Variants in STARD9 observed in about 807,000 individuals in gnomAD.
STARD9 encodes StAR related lipid transfer domain containing 9.
Under a neutral mutation model 399.8 loss-of-function variants are expected in STARD9, and 346 were observed. The ratio of observed to expected loss-of-function variants is 0.87; its 90% CI spans 0.79 to 0.95. STARD9 has a LOEUF of 0.95. Ranked by LOEUF, STARD9 falls within the 40% of genes least tolerant of loss-of-function variation. The pLI is 0.00. For missense variants in STARD9, 5,832 were observed against 5,667.5 expected, an observed-to-expected ratio of 1.03 and a Z score of -0.93; for synonymous variants, 2,203 against 2,143.5, an observed-to-expected ratio of 1.03 and a Z score of -0.77.
rs1182906799 is a variant in STARD9, at chr15:42,693,917, G to T, written c.12339G>T (p.Glu4113Asp). 4.0e-5 allele frequency: 60 copies of T among 1,514,870 alleles called. No homozygotes were observed. The highest frequency in any genetic ancestry group is 3.9e-5 in the Non-Finnish European group (44 of 1,134,896). The allele number at this position is 1,514,870 out of a possible 1,614,324, so 93.8% of individuals were successfully genotyped here. A position where few individuals can be genotyped will look rare whatever the true frequency, so the allele number is the denominator to read the frequency against. ...GCCTCCCTCAGGCCTGCCAACCTGA[G>T]GAGTTACTGTGCTTCAGTTGCCAGA... ...ALGLPQACQP[E>D]ELLCFSCQMC... The change falls in exon 23 of 33, where the codon GAG becomes GAT. Residue 4113 changes from glutamate to aspartate, a missense_variant. This residue lies in a region of STARD9 where 5,828 missense variants were observed against 5,651.1 expected (regional missense o/e 1.03). Transcript: ENST00000290607.
Position 42,687,533 on chromosome 15 carries a change from T to TC in STARD9, c.5956dup (p.Arg1986ProfsTer5). On this transcript the variant is annotated frameshift_variant, in exon 23 of 33. Coordinates refer to ENST00000290607, the MANE Select transcript of STARD9 (RefSeq NM_020759.3). LOFTEE classifies it high-confidence loss of function. The stretch of plus-strand genomic sequence containing the variant: ...AAACTGGGCTTCTTGAAAAAGGTCT[T>TC]CGTCCCAAAGATAGCTCAGAAGAGT... 1 of 1,537,058 alleles carries TC rather than the reference T, an allele frequency of 6.5e-7. No homozygotes were observed. The highest frequency in any genetic ancestry group is 8.7e-7 in the Non-Finnish European group (1 of 1,146,876).
chr15:42,577,100 C>G (rs1178902597), intron 1 of STARD9, among the ~76,000 whole-genome samples: 1 of 152,086 alleles, frequency 6.6e-6, no homozygotes, highest in Non-Finnish European at 1.5e-5. Flanking sequence ...ACAGTATTGA[C>G]CACTCCTAAC....
intron 7 of STARD9, among the ~76,000 whole-genome samples, chr15:42,640,780 AC>A (rs2059519014): frequency 7.6e-6 from 1 of 132,228 alleles, no homozygotes; most frequent in South Asian, 2.4e-4. Flanking sequence ...AGATCGCGCC[AC>A]TGCACTCCAG....
rs962082438 is a variant in STARD9 at position 42,581,593 on chromosome 15, C to G, written c.48-1753C>G. On this transcript the variant is annotated intron_variant, in intron 1 of 32. Coordinates refer to ENST00000290607, the MANE Select transcript of STARD9 (RefSeq NM_020759.3). ...GTGGAAAAGCGAGCTCTGCGCACTCCTCGCTCGCTTCCTCTAGTTCCCTCG... is the reference window on the plus strand; with the variant it reads ...GTGGAAAAGCGAGCTCTGCGCACTCGTCGCTCGCTTCCTCTAGTTCCCTCG... The G allele has an allele frequency of 3.5e-5, 27 of 764,064 alleles. No homozygotes were observed. In the African/African-American group the frequency reaches 4.2e-4, roughly 12 times the overall value. 47.3% of individuals were successfully genotyped at this position (764,064 alleles called of 1,614,324 possible).
chr15:42,686,314 C>G lies in STARD9; in HGVS notation c.4736C>G (p.Thr1579Ser), dbSNP rs760582394. Residue 1579 changes from threonine to serine, a missense_variant, in exon 23 of 33, where the codon ACT becomes AGT. By Grantham distance (58) the Thr-to-Ser change is moderately conservative (BLOSUM62 1). Coordinates refer to ENST00000290607, the MANE Select transcript of STARD9 (RefSeq NM_020759.3). ...GAAGGTGTTTCAGATTTCTTTAGCA[C>G]TAGTGAGAAAGAGGCGAGTTATGAC... ...KLEGVSDFFS[T>S]SEKEASYDET... The G allele has an allele frequency of 1.5e-4, 232 of 1,537,406 alleles. No homozygotes were observed. Among genetic ancestry groups the G allele is most frequent in the Non-Finnish European group, 2.0e-4 (224 of 1,146,964 alleles).
chr15:42,690,015 G>A lies in STARD9; in HGVS notation c.8437G>A (p.Glu2813Lys). The A allele has an allele frequency of 6.5e-7, 1 of 1,537,330 alleles. No individual in the cohort carries two copies. Among genetic ancestry groups the A allele is most frequent in the Non-Finnish European group, 8.7e-7 (1 of 1,146,966 alleles). Residue 2813 changes from glutamate (E) to lysine (K), a missense_variant, in exon 23 of 33, where the codon GAA (glutamate) becomes AAA (lysine). Glu to Lys is a moderately conservative substitution (Grantham distance 56, BLOSUM62 1). Transcript: ENST00000290607. ...ACAGGGAGAAAAAACAGCCCATTTT[G>A]AAAGTCAGTCTGTGACCTGTGATGT... is the stretch of plus-strand genomic sequence containing the variant. The part of the protein sequence containing the change: ...TAQGEKTAHF[E>K]SQSVTCDVQN...
rs373549995 is a variant in STARD9, at chr15:42,693,713, C to T, written c.12135C>T (p.Ser4045=). 39 of 1,536,994 alleles carry T rather than the reference C, an allele frequency of 2.5e-5. No homozygotes were observed. The highest frequency in any genetic ancestry group is 1.4e-4 in the African/African-American group (10 of 73,158). ...KVASPEHCPL[S]GREPSQWQSR... is the part of the protein sequence containing the mutation. ...CTTCCCCGGAGCATTGCCCACTGAGCGGTAGGGAGCCAAGTCAGTGGCAGA... is the reference window on the plus strand; with the variant it reads ...CTTCCCCGGAGCATTGCCCACTGAGTGGTAGGGAGCCAAGTCAGTGGCAGA... The change falls in exon 23 of 33, where the codon AGC becomes AGT. Residue 4045 remains serine, a synonymous_variant. Coordinates refer to ENST00000290607, the MANE Select transcript of STARD9 (RefSeq NM_020759.3).
intron 25 of STARD9, 101 bp downstream of exon 25, chr15:42,695,424 T>G: frequency 8.6e-7 from 1 of 1,164,646 alleles, no homozygotes; most frequent in African/African-American, 1.5e-5. Context: ...TACGTAACAT[T>G]TGGAGGAGGC....
Position 42,691,361 on chromosome 15 carries a change from G to A in STARD9, c.9783G>A (p.Lys3261=), listed in dbSNP as rs1480398533. 2 of 1,537,086 alleles carry A rather than the reference G, an allele frequency of 1.3e-6. No homozygotes were observed. The highest frequency in any genetic ancestry group is 2.4e-5 in the East Asian group (1 of 40,924). The part of the protein sequence containing the change: ...EVAVAKPPVS[K]ILSQGFKDPA... ...CTGTGGCCAAGCCTCCTGTGTCCAA[G>A]ATTTTATCACAGGGCTTCAAAGACC... Residue 3261 remains lysine, a synonymous_variant, in exon 23 of 33, where the codon AAG becomes AAA. Coordinates refer to ENST00000290607, the MANE Select transcript of STARD9 (RefSeq NM_020759.3).
intron 3 of STARD9, among the ~76,000 whole-genome samples, chr15:42,608,317 G>A (rs567667748): frequency 1.3e-5 from 2 of 152,238 alleles, no homozygotes; most frequent in Admixed American, 6.5e-5. Context: ...AGCCGGATGC[G>A]TGAGGTGGAT....
chr15:42,602,461 A>C, intron 3 of STARD9, among the ~76,000 whole-genome samples: 1 of 152,208 alleles, frequency 6.6e-6, no homozygotes, highest in South Asian at 2.1e-4. Flanking sequence ...GAGAGAATGA[A>C]AGCAGGGATT....
Position 42,656,327 on chromosome 15 carries a change from T to TAAAAAAA in STARD9, c.702+3769_702+3775dup, listed in dbSNP as rs869264641. ...ATGCCACTGCACTCCAGCCATCTCC[T>TAAAAAAA]AAAAAAAAAAAAAAAAAAAAAAAAA... On this transcript the variant is annotated intron_variant, in intron 9 of 32. Transcript: ENST00000290607. Among the ~76,000 whole-genome samples, 64 of 35,340 alleles carry TAAAAAAA rather than the reference T, an allele frequency of 1.8e-3. 18 individuals carry two copies. Among genetic ancestry groups the TAAAAAAA allele is most frequent in the Admixed American group, 2.0e-3 (4 of 2,026 alleles). The allele number at this position is 35,340 out of a possible 152,430, so 23.2% of individuals were successfully genotyped here.
rs1165174078 is a variant in STARD9 at position 42,693,661 on chromosome 15, G to A, written c.12083G>A (p.Gly4028Asp). ...PPLRHRSQRL[G>D]NSFVPEKVAS... ...CTGAGGCACAGGAGCCAAAGGCTGG[G>A]CAACAGCTTTGTGCCTGAGAAGGTG... is the stretch of plus-strand genomic sequence containing the variant. The change falls in exon 23 of 33, where the codon GGC becomes GAC. Residue 4028 changes from glycine to aspartate, a missense_variant. Physicochemically the swap from Gly to Asp is moderately conservative, Grantham distance 94 (BLOSUM62 -1). This residue lies in a region of STARD9 where 5,828 missense variants were observed against 5,651.1 expected (regional missense o/e 1.03). Transcript: ENST00000290607. 2 of 1,537,252 alleles carry A rather than the reference G, an allele frequency of 1.3e-6. No homozygotes were observed. Among genetic ancestry groups the A allele is most frequent in the East Asian group, 2.4e-5 (1 of 40,922 alleles).
chr15:42,619,539 G>T (rs535122917), intron 3 of STARD9, among the ~76,000 whole-genome samples: 58 of 136,498 alleles, frequency 4.2e-4, no homozygotes, highest in African/African-American at 1.3e-3. Flanking sequence ...GGGTGACAGC[G>T]CAAGACTGTC....
chr15:42,680,139 T>C (rs906006884), intron 20 of STARD9, among the ~76,000 whole-genome samples: 7 of 152,172 alleles, frequency 4.6e-5, no homozygotes, highest in Non-Finnish European at 1.0e-4. Flanking sequence ...TTTAAAAACC[T>C]AAATGACAGG....
intron 20 of STARD9, among the ~76,000 whole-genome samples, chr15:42,678,701 A>G (rs12914570): frequency 0.25 from 38,119 of 152,036 alleles, 5,558 homozygotes; most frequent in African/African-American, 0.4. Flanking sequence ...CCTCACAAGC[A>G]GGTGTCTAGG....
rs548264366 is a variant in STARD9, at chr15:42,686,538, G to A, written c.4960G>A (p.Ala1654Thr). 5 of 1,537,560 alleles carry A rather than the reference G, an allele frequency of 3.3e-6. No homozygotes were observed. Among genetic ancestry groups the A allele is most frequent in the African/African-American group, 1.4e-5 (1 of 73,134 alleles). ...TGATGAGGATTTTTTCCAGAAGAAC[G>A]CTTGTCACAGTAATGTCACTACAGC... is the stretch of plus-strand genomic sequence containing the variant. ...SSDEDFFQKN[A>T]CHSNVTTATK... The change falls in exon 23 of 33, where the codon GCT becomes ACT. Residue 1654 changes from alanine to threonine, a missense_variant. This residue lies in a region of STARD9 where 5,828 missense variants were observed against 5,651.1 expected (regional missense o/e 1.03). Coordinates refer to ENST00000290607, the MANE Select transcript of STARD9 (RefSeq NM_020759.3).
Position 42,688,863 on chromosome 15 carries a change from C to T in STARD9, c.7285C>T (p.Pro2429Ser). The change falls in exon 23 of 33, where the codon CCT becomes TCT. Residue 2429 changes from proline to serine, a missense_variant. This residue lies in a region of STARD9 where 5,828 missense variants were observed against 5,651.1 expected (regional missense o/e 1.03). Coordinates refer to ENST00000290607, the MANE Select transcript of STARD9 (RefSeq NM_020759.3). ...HSQSGVPESIPLGTEDRISAS... is the reference protein window; with the variant it reads ...HSQSGVPESISLGTEDRISAS... Reference sequence around the variant, plus strand: ...TCAATCTGGTGTACCAGAGAGCATTCCTCTGGGGACAGAGGACAGGATCTC... The same window carrying T: ...TCAATCTGGTGTACCAGAGAGCATTTCTCTGGGGACAGAGGACAGGATCTC... The T allele has an allele frequency of 6.5e-7, 1 of 1,537,156 alleles. No homozygotes were observed. The highest frequency in any genetic ancestry group is 8.7e-7 in the Non-Finnish European group (1 of 1,146,804).
chr15:42,666,726 G>A (rs1044551321), intron 15 of STARD9, among the ~76,000 whole-genome samples: 2 of 152,202 alleles, frequency 1.3e-5, no homozygotes, highest in African/African-American at 2.4e-5. Flanking sequence ...GGACTAACCA[G>A]GAAAGAGACT....
Sources: gnomAD v4.1 joint callset for allele counts (sites outside exome capture counted in the v4.1 genomes callset) on GRCh38, gnomAD v4.1.1 for gene constraint, gnomAD v4.1.1 regional missense constraint, MANE v1.5 for transcripts, NCBI Gene and HGNC (gene_info 2026-07-23, HGNC 2026-07-21) for gene names.